EBF1: variants seen among roughly 807,000 people sequenced by gnomAD.
EBF1 encodes the protein EBF transcription factor 1, also known as transcription factor COE1.
Under a neutral mutation model 68.4 loss-of-function variants are expected in EBF1, and 10 were observed. The observed-to-expected ratio is 0.15, with a 90% confidence interval of 0.09 to 0.25. The LOEUF (loss-of-function observed/expected upper bound fraction) is 0.25. EBF1 is among the 10% of genes least tolerant of loss of function. The pLI is 1.00. For synonymous variants in EBF1, 298 were observed against 299.8 expected (o/e 0.99, Z 0.06); for missense variants, 509 against 794.4 (o/e 0.64, Z 4.32).
Position 158,777,513 on chromosome 5 carries a change from C to A in EBF1, c.936G>T (p.Val312=). 6.2e-7 allele frequency: 1 copy of A among 1,611,968 alleles called. No individual in the cohort carries two copies. The part of the protein sequence containing the change: ...SELITPHAIR[V]QTPPRHIPGV... Reference sequence around the variant, plus strand: ...CAGGGATGTGCCGAGGAGGGGTCTGCACACGGATGGCATGAGGAGTGATCA... The same window carrying A: ...CAGGGATGTGCCGAGGAGGGGTCTGAACACGGATGGCATGAGGAGTGATCA... Residue 312 remains valine (V), a synonymous_variant, in exon 10 of 16, where the codon GTG becomes GTT. Coordinates refer to ENST00000313708, the MANE Select transcript of EBF1 (RefSeq NM_024007.5).
In EBF1 at chr5:159,099,336, A is replaced by G. The variant is rs113766337; in HGVS notation, c.134+9T>C. ...CTCACCTCGGCCGCGGTCCCCGCGC[A>G]GTACCCACCTCTGCGCCGCCGTGTT... On this transcript the variant is annotated intron_variant, in intron 1 of 15. Coordinates refer to ENST00000313708, the MANE Select transcript of EBF1 (RefSeq NM_024007.5). 3.8e-6 allele frequency: 6 copies of G among 1,558,820 alleles called. No individual in the cohort carries two copies. Among genetic ancestry groups the G allele is most frequent in the Non-Finnish European group, 4.3e-6 (5 of 1,156,012 alleles).
intron 6 of EBF1, among the ~76,000 whole-genome samples, chr5:158,901,094 T>C (rs1208099833): frequency 6.6e-6 from 1 of 152,238 alleles, no homozygotes; most frequent in African/African-American, 2.4e-5. Flanking sequence ...GCCAGAAGTA[T>C]CTTCATTAGC....
At chr5:158,921,740 T>C (rs1162333414) in intron 6 of EBF1, among the ~76,000 whole-genome samples, 1 of 152,170 alleles carries the variant, frequency 6.6e-6, no homozygotes, top group East Asian at 1.9e-4. Flanking sequence ...TACTTTGCAC[T>C]CCACTTCCAA....
At chr5:158,975,225 A>G (rs1262611473) in intron 6 of EBF1, among the ~76,000 whole-genome samples, 5 of 152,194 alleles carry the variant, frequency 3.3e-5, no homozygotes, top group African/African-American at 2.4e-5. Flanking sequence ...ATTAAAACCC[A>G]GTCTCCTACA....
intron 6 of EBF1, among the ~76,000 whole-genome samples, chr5:159,022,114 G>A (rs1766828588): frequency 6.6e-6 from 1 of 150,602 alleles, no homozygotes; most frequent in African/African-American, 2.4e-5. Context: ...ACATCCAGGG[G>A]GATCCTGCAA....
intron 7 of EBF1, among the ~76,000 whole-genome samples, chr5:158,838,696 C>T (rs1789444652): frequency 6.6e-6 from 1 of 152,122 alleles, no homozygotes; most frequent in African/African-American, 2.4e-5. Flanking sequence ...TTTTTCCCAT[C>T]AGAGAATGAA....
In EBF1 at chr5:158,822,259, CGGATGGACGGAT is replaced by C. The variant is rs752475289; in HGVS notation, c.778+905_778+916del. Among the ~76,000 whole-genome samples, 1,143 of 129,708 alleles carry C rather than the reference CGGATGGACGGAT, an allele frequency of 8.8e-3. 12 individuals are homozygous for C. The highest frequency in any genetic ancestry group is 0.028 in the African/African-American group (917 of 32,372). The allele number at this position is 129,708 out of a possible 152,430, so 85.1% of individuals were successfully genotyped here. A position where few individuals can be genotyped will look rare whatever the true frequency, so the allele number is the denominator to read the frequency against. On this transcript the variant is annotated intron_variant, in intron 8 of 15. Transcript: ENST00000313708. The stretch of plus-strand genomic sequence containing the variant: ...CCTCAGTCACTCATTCTTGGATGGA[CGGATGGACGGAT>C]GGATGGATGGATGGATGGATGGATG...
At chr5:158,845,501 G>A (rs1388720453) in intron 6 of EBF1, among the ~76,000 whole-genome samples, 1 of 152,132 alleles carries the variant, frequency 6.6e-6, no homozygotes, top group East Asian at 1.9e-4. Flanking sequence ...GTGGAGTGTT[G>A]AAATAGTACC....
At position 158,705,193 on chromosome 5, in the gene EBF1, C is replaced by A. The variant is rs188061096; in HGVS notation, c.1744+2786G>T. Among the ~76,000 whole-genome samples, 430 of 152,296 alleles carry A rather than the reference C, an allele frequency of 2.8e-3. 2 individuals carry two copies. The highest frequency in any genetic ancestry group is 9.7e-3 in the African/African-American group (405 of 41,560). ...ACGAGGTTTCACCATGTTGGCCAGG[C>A]TGGTCTCAAAGACCTGACCTCAGGT... On this transcript the variant is annotated intron_variant, in intron 15 of 15. Transcript: ENST00000313708.
At chr5:158,810,096 A>G (rs1025910326) in intron 8 of EBF1, among the ~76,000 whole-genome samples, 1 of 152,198 alleles carries the variant, frequency 6.6e-6, no homozygotes, top group Admixed American at 6.5e-5. Flanking sequence ...GATTTGTTGC[A>G]CATAATAGTT....
At chr5:158,801,051 G>A (rs1237188523) in intron 8 of EBF1, among the ~76,000 whole-genome samples, 1 of 152,014 alleles carries the variant, frequency 6.6e-6, no homozygotes, top group Admixed American at 6.6e-5. Flanking sequence ...TTAGGGTTAG[G>A]GGGTGGGGTT....
At chr5:159,090,112 AC>A (rs1234765276) in intron 4 of EBF1, among the ~76,000 whole-genome samples, 2 of 152,138 alleles carry the variant, frequency 1.3e-5, no homozygotes, top group African/African-American at 4.8e-5. Flanking sequence ...CTGAATGCAA[AC>A]TGTCAACAAG....
intron 10 of EBF1, among the ~76,000 whole-genome samples, chr5:158,760,969 A>G (rs1246317689): frequency 6.6e-6 from 1 of 152,168 alleles, no homozygotes; most frequent in Non-Finnish European, 1.5e-5. Flanking sequence ...TTTAGACACA[A>G]TGCCTTGTTT....
At chr5:158,813,765 T>G (rs950410649) in intron 8 of EBF1, among the ~76,000 whole-genome samples, 1 of 152,210 alleles carries the variant, frequency 6.6e-6, no homozygotes, top group African/African-American at 2.4e-5. Context: ...GAGCTTGGTT[T>G]TAATTTATTT....
At chr5:159,038,148 G>T (rs193010664) in intron 6 of EBF1, among the ~76,000 whole-genome samples, 1 of 151,976 alleles carries the variant, frequency 6.6e-6, no homozygotes. Flanking sequence ...TTCTTATCTC[G>T]GCAGTCCTTT....
At chr5:158,951,949 T>G (rs1304314989) in intron 6 of EBF1, among the ~76,000 whole-genome samples, 1 of 152,210 alleles carries the variant, frequency 6.6e-6, no homozygotes, top group African/African-American at 2.4e-5. Context: ...AAAGACACTG[T>G]TAAAAACCCG....
intron 6 of EBF1, among the ~76,000 whole-genome samples, chr5:158,866,894 T>A (rs1353197063): frequency 3.1e-5 from 3 of 96,436 alleles, no homozygotes; most frequent in Admixed American, 1.2e-4. Flanking sequence ...TATATATATA[T>A]AAAGCCACAT....
chr5:158,729,199 G>A (rs1238020526), intron 11 of EBF1, among the ~76,000 whole-genome samples: 3 of 152,160 alleles, frequency 2.0e-5, no homozygotes, highest in Non-Finnish European at 2.9e-5. Flanking sequence ...ACATTTAGTG[G>A]ATGAGGACAT....
At chr5:158,862,747 C>T (rs1795183795) in intron 6 of EBF1, among the ~76,000 whole-genome samples, 1 of 152,064 alleles carries the variant, frequency 6.6e-6, no homozygotes, top group Non-Finnish European at 1.5e-5. Context: ...GAAACTGCAT[C>T]CTTTGCAAAG....
Sources: allele counts gnomAD v4.1 joint callset (sites outside exome capture counted in the v4.1 genomes callset), GRCh38; gene constraint gnomAD v4.1.1; transcripts MANE v1.5; gene names NCBI Gene and HGNC (gene_info 2026-07-23, HGNC 2026-07-21).